The following LDAH variants were observed in gnomAD, a reference collection of about 807,000 sequenced individuals.
The protein encoded by LDAH is lipid droplet-associated hydrolase.
Under a neutral mutation model 29.6 loss-of-function variants are expected in LDAH, and 26 were observed. That is an observed-to-expected ratio of 0.88 (90% CI 0.64 to 1.22). The LOEUF is 1.22. Among genes scored for constraint, LDAH ranks in the 50% most tolerant of loss-of-function variants. The pLI is 0.00. For missense variants in LDAH, 344 were observed against 387.3 expected (o/e 0.89, Z 0.94); for synonymous variants, 117 against 133.0 (o/e 0.88, Z 0.83).
At chr2:20,729,691 T>G (rs1666262371) in intron 5 of LDAH, among the ~76,000 whole-genome samples, 1 of 152,374 alleles carries the variant, frequency 6.6e-6, no homozygotes, top group South Asian at 2.1e-4. Flanking sequence ...TAGATTTACA[T>G]GCAGGTGTAA....
intron 1 of LDAH, among the ~76,000 whole-genome samples, chr2:20,822,095 C>T (rs918769491): frequency 1.3e-5 from 2 of 150,880 alleles, no homozygotes; most frequent in Non-Finnish European, 2.9e-5. Flanking sequence ...TTTCTCCATA[C>T]AGATTTGTTC....
Position 20,684,675 on chromosome 2 carries a change from G to A in LDAH, c.*2228C>T, listed in dbSNP as rs1662438094. The A allele has an allele frequency of 4.1e-6, 2 of 487,582 alleles. No homozygotes were observed. Among genetic ancestry groups the A allele is most frequent in the Admixed American group, 4.0e-5 (1 of 24,906 alleles). The allele number at this position is 487,582 out of a possible 1,614,324, so 30.2% of individuals were successfully genotyped here. On this transcript the variant is annotated 3_prime_UTR_variant, in exon 7 of 7. Coordinates refer to ENST00000237822, the MANE Select transcript of LDAH (RefSeq NM_021925.4). ...GACATCAGGCCACACAAGCCACAGA[G>A]GGCTTGTGGAGATGCTTATGGCTGG...
chr2:20,738,808 C>A (rs1381407116), intron 5 of LDAH, among the ~76,000 whole-genome samples: 1 of 152,212 alleles, frequency 6.6e-6, no homozygotes, highest in Admixed American at 6.5e-5. Flanking sequence ...TTTTTGAGGA[C>A]TGCTTCTTGT....
In LDAH at chr2:20,684,440, T is replaced by C. The variant is rs78958027; in HGVS notation, c.*2463A>G. On this transcript the variant is annotated 3_prime_UTR_variant, in exon 7 of 7. Transcript: ENST00000237822. Reference sequence around the variant, plus strand: ...AATTATTTTAGACACGAGGTCTCGTTTTTTGCACGGGCTGGTCTCAAACTC... The same window carrying C: ...AATTATTTTAGACACGAGGTCTCGTCTTTTGCACGGGCTGGTCTCAAACTC... The C allele has an allele frequency of 6.5e-6, 1 of 154,290 alleles. No homozygotes were observed. Among genetic ancestry groups the C allele is most frequent in the South Asian group, 2.1e-4 (1 of 4,852 alleles). 9.6% of individuals were successfully genotyped at this position (154,290 alleles called of 1,614,324 possible).
At chr2:20,740,982 T>C (rs1416378145) in intron 4 of LDAH, among the ~76,000 whole-genome samples, 1 of 152,236 alleles carries the variant, frequency 6.6e-6, no homozygotes, top group Non-Finnish European at 1.5e-5. Context: ...AGGTGTGGCG[T>C]TATCTCACTG....
intron 2 of LDAH, among the ~76,000 whole-genome samples, chr2:20,795,268 G>A (rs920363305): frequency 4.6e-5 from 7 of 152,186 alleles, no homozygotes; most frequent in South Asian, 4.1e-4. Context: ...TGCAAGTATA[G>A]ACTTATACCT....
intron 5 of LDAH, among the ~76,000 whole-genome samples, chr2:20,711,085 A>G (rs1431301999): frequency 6.6e-6 from 1 of 152,160 alleles, no homozygotes; most frequent in Admixed American, 6.5e-5. Context: ...ACTCACATGG[A>G]AAGGACCTGA....
intron 3 of LDAH, among the ~76,000 whole-genome samples, chr2:20,776,601 A>AAGTCAG (rs1669842208): frequency 1.3e-5 from 2 of 152,268 alleles, no homozygotes; most frequent in Admixed American, 1.3e-4. Context: ...TCCATTCTCC[A>AAGTCAG]CTTAACAAGG....
chr2:20,689,991 G>C (rs1313669320), intron 6 of LDAH, among the ~76,000 whole-genome samples: 1 of 152,210 alleles, frequency 6.6e-6, no homozygotes, highest in Non-Finnish European at 1.5e-5. Flanking sequence ...AAGCGTCACT[G>C]TACGCACCGC....
At chr2:20,712,439 G>C (rs909251518) in intron 5 of LDAH, among the ~76,000 whole-genome samples, 1 of 152,196 alleles carries the variant, frequency 6.6e-6, no homozygotes, top group Non-Finnish European at 1.5e-5. Context: ...AGAAACCAGA[G>C]CAGAAAAGCT....
At chr2:20,722,479 A>T (rs1487686674) in intron 5 of LDAH, among the ~76,000 whole-genome samples, 5 of 152,096 alleles carry the variant, frequency 3.3e-5, no homozygotes, top group Non-Finnish European at 7.4e-5. Context: ...AGATGAGAGA[A>T]ATTGGTTAAG....
intron 5 of LDAH, among the ~76,000 whole-genome samples, chr2:20,708,948 GA>G (rs758558520): frequency 5.3e-5 from 8 of 152,104 alleles, no homozygotes; most frequent in Non-Finnish European, 8.8e-5. Flanking sequence ...AATATATAAA[GA>G]ACTCTTACAA....
At chr2:20,778,962 A>C (rs1263548979) in intron 3 of LDAH, among the ~76,000 whole-genome samples, 6 of 152,022 alleles carry the variant, frequency 3.9e-5, no homozygotes, top group Non-Finnish European at 5.9e-5. Context: ...CTGAATATAA[A>C]TGTATAAGTT....
At chr2:20,707,201 T>C (rs1409189631) in intron 5 of LDAH, among the ~76,000 whole-genome samples, 2 of 152,192 alleles carry the variant, frequency 1.3e-5, no homozygotes, top group Non-Finnish European at 2.9e-5. Flanking sequence ...GAACTACTCC[T>C]ATAGCTCAAA....
At chr2:20,810,747 A>G (rs1672415262) in intron 1 of LDAH, among the ~76,000 whole-genome samples, 1 of 152,228 alleles carries the variant, frequency 6.6e-6, no homozygotes, top group Non-Finnish European at 1.5e-5. Context: ...ACCAGGCCAC[A>G]TAGCAGGAGA....
chr2:20,738,823 T>C (rs1391243964), intron 5 of LDAH, among the ~76,000 whole-genome samples: 1 of 152,234 alleles, frequency 6.6e-6, no homozygotes, highest in Non-Finnish European at 1.5e-5. Context: ...TCTTGTTACA[T>C]ATTTAGAAAA....
At chr2:20,695,451 T>C (rs1244024924) in intron 6 of LDAH, among the ~76,000 whole-genome samples, 2 of 132,930 alleles carry the variant, frequency 1.5e-5, no homozygotes, top group African/African-American at 5.5e-5. Flanking sequence ...CCAGACACTC[T>C]TTCTTTTTTT....
chr2:20,783,083 T>C (rs1032896987), intron 3 of LDAH, among the ~76,000 whole-genome samples: 1 of 152,258 alleles, frequency 6.6e-6, no homozygotes, highest in Admixed American at 6.5e-5. Context: ...CCATGTGTTA[T>C]TTAAAAGTGT....
chr2:20,779,957 T>G (rs976768557), intron 3 of LDAH, among the ~76,000 whole-genome samples: 1 of 152,150 alleles, frequency 6.6e-6, no homozygotes, highest in Admixed American at 6.5e-5. Flanking sequence ...CAATGAGAAC[T>G]GTGGTCCCTA....
Sources: allele counts gnomAD v4.1 joint callset (sites outside exome capture counted in the v4.1 genomes callset), GRCh38; gene constraint gnomAD v4.1.1; transcripts MANE v1.5; gene names NCBI Gene and HGNC (gene_info 2026-07-23, HGNC 2026-07-21).